Variants in PTPRD observed in about 807,000 individuals in gnomAD.
PTPRD encodes the protein protein tyrosine phosphatase receptor type D.
In PTPRD, 34 loss-of-function variants were observed where a neutral mutation model predicts 214.5. That is an observed-to-expected ratio of 0.16 (90% confidence interval 0.12 to 0.21). The LOEUF (loss-of-function observed/expected upper bound fraction) is 0.21, where lower values mean the gene tolerates loss of function less well. PTPRD is among the 10% of genes least tolerant of loss of function. The pLI is 1.00. For synonymous variants in PTPRD, 1,128 were observed against 845.7 expected (o/e 1.33, Z -5.79); for missense variants, 2,545 against 2,398.7 (o/e 1.06, Z -1.27).
chr9:9,207,341 G>C (rs756294980), intron 9 of PTPRD, among the ~76,000 whole-genome samples: 11 of 152,150 alleles, frequency 7.2e-5, no homozygotes, highest in African/African-American at 2.2e-4. Flanking sequence ...CATAGAATTC[G>C]GGGTGCAGAT....
chr9:9,470,953 G>T (rs2094546463), intron 8 of PTPRD, among the ~76,000 whole-genome samples: 1 of 152,086 alleles, frequency 6.6e-6, no homozygotes, highest in Non-Finnish European at 1.5e-5. Context: ...GTAGTATCTG[G>T]ATCTTTTCCT....
chr9:10,289,945 T>C (rs16925732), intron 3 of PTPRD, among the ~76,000 whole-genome samples: 12,760 of 152,210 alleles, frequency 0.084, 640 homozygotes, highest in Non-Finnish European at 0.11. Context: ...AGGGTTATAG[T>C]TAAATTTTCA....
chr9:8,865,288 T>G (rs2098176846), intron 11 of PTPRD, among the ~76,000 whole-genome samples: 2 of 152,186 alleles, frequency 1.3e-5, no homozygotes, highest in Admixed American at 6.5e-5. Flanking sequence ...TCATTTAATT[T>G]CTACTTGGTG....
intron 5 of PTPRD, among the ~76,000 whole-genome samples, chr9:9,773,008 C>G (rs1296097686): frequency 6.6e-6 from 1 of 152,156 alleles, no homozygotes; most frequent in Admixed American, 6.5e-5. Flanking sequence ...AATAAACAAA[C>G]TGTAGTATTC....
chr9:10,027,866 TAGA>T (rs941711749), intron 4 of PTPRD, among the ~76,000 whole-genome samples: 8 of 152,158 alleles, frequency 5.3e-5, no homozygotes, highest in African/African-American at 1.9e-4. Flanking sequence ...TTTTCTCCTT[TAGA>T]TGAGGGTGAT....
intron 12 of PTPRD, among the ~76,000 whole-genome samples, chr9:8,664,616 A>C (rs1395598954): frequency 6.6e-6 from 1 of 152,220 alleles, no homozygotes; most frequent in African/African-American, 2.4e-5. Flanking sequence ...CCACCAGCTC[A>C]TATACTTCCA....
chr9:10,567,911 CATT>C (rs996518469), intron 2 of PTPRD, among the ~76,000 whole-genome samples: 1 of 150,812 alleles, frequency 6.6e-6, no homozygotes, highest in Non-Finnish European at 1.5e-5. Context: ...AATAATATAT[CATT>C]GTTTTATTTT....
At chr9:8,868,569 C>T (rs2098239737) in intron 11 of PTPRD, among the ~76,000 whole-genome samples, 1 of 152,136 alleles carries the variant, frequency 6.6e-6, no homozygotes, top group Non-Finnish European at 1.5e-5. Flanking sequence ...AGCAACTTTG[C>T]TTTGTAGCTC....
At chr9:9,547,038 A>T (rs1044349465) in intron 8 of PTPRD, among the ~76,000 whole-genome samples, 2 of 152,004 alleles carry the variant, frequency 1.3e-5, no homozygotes, top group African/African-American at 4.8e-5. Flanking sequence ...GAAGACTATG[A>T]AGAGAGGGTT....
Position 10,031,647 on chromosome 9 carries a change from T to TATATATATATATATATATACACACAC in PTPRD, c.-472+2070_-472+2071insGTGTGTGTATATATATATATATATAT. Among the ~76,000 whole-genome samples, 8 of 89,642 alleles carry TATATATATATATATATATACACACAC rather than the reference T, an allele frequency of 8.9e-5. No homozygotes were observed. The East Asian group carries it at 2.3e-3, about 26-fold the overall frequency. The allele number at this position is 89,642 out of a possible 152,430, so 58.8% of individuals were successfully genotyped here. A position where few individuals can be genotyped will look rare whatever the true frequency, so the allele number is the denominator to read the frequency against. On this transcript the variant is annotated intron_variant, in intron 4 of 45. Transcript: ENST00000381196. ...CTCCATATATATATATATATATATA[T>TATATATATATATATATATACACACAC]ACACACACACACACACACATACACA...
intron 3 of PTPRD, among the ~76,000 whole-genome samples, chr9:10,095,123 T>C (rs1167175727): frequency 2.6e-5 from 4 of 151,298 alleles, no homozygotes; most frequent in African/African-American, 4.8e-5. Context: ...GTCATTTTGC[T>C]GTTCAAAAAA....
chr9:9,093,617 A>G (rs902325625), intron 10 of PTPRD, among the ~76,000 whole-genome samples: 4 of 151,842 alleles, frequency 2.6e-5, no homozygotes, highest in Non-Finnish European at 4.4e-5. Context: ...ATGGGAAATT[A>G]TAAGCATTTT....
intron 9 of PTPRD, among the ~76,000 whole-genome samples, chr9:9,270,249 TTAAA>T (rs1397343293): frequency 4.6e-5 from 7 of 151,350 alleles, no homozygotes; most frequent in African/African-American, 1.4e-4. Context: ...GGGGAAAATA[TTAAA>T]TAAATAAGTA....
chr9:10,152,685 C>T lies in PTPRD; in HGVS notation c.-544-118895G>A, dbSNP rs552743312. ...TACTAAAAATACAAAATTAGCTGGG[C>T]GTGGTGGCACACGCCTGTAATCCCA... On this transcript the variant is annotated intron_variant, in intron 3 of 45. Transcript: ENST00000381196. Among the ~76,000 whole-genome samples the T allele has an allele frequency of 1.2e-4, 19 of 152,132 alleles. No homozygotes were observed. In the South Asian group the frequency reaches 3.5e-3, roughly 28 times the overall value.
intron 5 of PTPRD, among the ~76,000 whole-genome samples, chr9:9,816,970 G>A (rs956494933): frequency 2.6e-5 from 4 of 151,946 alleles, no homozygotes; most frequent in Non-Finnish European, 5.9e-5. Flanking sequence ...TTCTTTAACT[G>A]AAGATTATTA....
intron 2 of PTPRD, among the ~76,000 whole-genome samples, chr9:10,354,561 T>G (rs1025648606): frequency 6.6e-6 from 1 of 152,214 alleles, no homozygotes; most frequent in East Asian, 1.9e-4. Flanking sequence ...CTTAAGTTCT[T>G]TGACTCTCAA....
chr9:9,159,244 T>C (rs1019075949), intron 10 of PTPRD, among the ~76,000 whole-genome samples: 3 of 151,718 alleles, frequency 2.0e-5, no homozygotes, highest in African/African-American at 7.3e-5. Context: ...AACTACCTAA[T>C]AGAAAATGAA....
chr9:8,928,007 T>C (rs2098915763), intron 11 of PTPRD, among the ~76,000 whole-genome samples: 3 of 152,228 alleles, frequency 2.0e-5, no homozygotes, highest in Non-Finnish European at 2.9e-5. Flanking sequence ...ATGTCTTCTT[T>C]TGAGGAGCGT....
chr9:9,763,368 T>C (rs2098677681), intron 6 of PTPRD, among the ~76,000 whole-genome samples: 1 of 152,114 alleles, frequency 6.6e-6, no homozygotes, highest in Non-Finnish European at 1.5e-5. Flanking sequence ...TGAGTACCCA[T>C]CCATATGTAT....
Sources: allele counts gnomAD v4.1 joint callset (sites outside exome capture counted in the v4.1 genomes callset), GRCh38; gene constraint gnomAD v4.1.1; transcripts MANE v1.5; gene names NCBI Gene and HGNC (gene_info 2026-07-23, HGNC 2026-07-21).